CEP152: variants seen among roughly 807,000 people sequenced by gnomAD.
The protein encoded by CEP152 is centrosomal protein 152, also known as centrosomal protein of 152 kDa.
A neutral mutation model predicts 188.9 loss-of-function variants in CEP152; 132 were observed. The ratio of observed to expected loss-of-function variants is 0.70; its 90% CI spans 0.61 to 0.81. The LOEUF (loss-of-function observed/expected upper bound fraction) is 0.81. CEP152 is among the 30% of genes least tolerant of loss of function. CEP152 has a pLI of 0.00. For missense variants in CEP152, 1,914 were observed against 1,969.8 expected, an observed-to-expected ratio of 0.97 and a Z score of 0.54; for synonymous variants, 649 against 666.6, an observed-to-expected ratio of 0.97 and a Z score of 0.41.
At chr15:48,789,448 C>A in intron 8 of CEP152, 1 of 217,446 alleles carries the variant, frequency 4.6e-6, no homozygotes, top group East Asian at 1.0e-4. Flanking sequence ...ACAAAGTTTT[C>A]AAAGCTGTAA....
chr15:48,766,674 A>C (rs924543893), intron 17 of CEP152, among the ~76,000 whole-genome samples: 1 of 152,164 alleles, frequency 6.6e-6, no homozygotes, highest in Non-Finnish European at 1.5e-5. Flanking sequence ...ATCCGAGAAA[A>C]AGGGCTCTGA....
At chr15:48,751,177 T>A (rs1267052805) in intron 21 of CEP152, among the ~76,000 whole-genome samples, 2 of 152,214 alleles carry the variant, frequency 1.3e-5, no homozygotes. Flanking sequence ...TATTAATGTG[T>A]TTGTTTTTAA....
chr15:48,745,901 A>G (rs920398546), intron 22 of CEP152, among the ~76,000 whole-genome samples: 1 of 152,124 alleles, frequency 6.6e-6, no homozygotes, highest in African/African-American at 2.4e-5. Context: ...CAAATGCACA[A>G]CACCTACACA....
chr15:48,766,374 G>T (rs1340636485), intron 17 of CEP152, among the ~76,000 whole-genome samples: 1 of 152,208 alleles, frequency 6.6e-6, no homozygotes, highest in Non-Finnish European at 1.5e-5. Flanking sequence ...GTGAAGGACA[G>T]TCAGGCCTGT....
chr15:48,762,447 T>C lies in CEP152; in HGVS notation c.2506A>G (p.Met836Val). The C allele has an allele frequency of 1.2e-6, 2 of 1,614,136 alleles. No individual in the cohort carries two copies. The highest frequency in any genetic ancestry group is 4.5e-5 in the East Asian group (2 of 44,858). The change falls in exon 18 of 27, where the codon ATG becomes GTG. Residue 836 changes from methionine (M) to valine (V), a missense_variant. By Grantham distance (21) the Met-to-Val change is conservative (BLOSUM62 1). Transcript: ENST00000380950. Reference protein sequence around the residue: ...QEKDIAIKGAMKKLEIELELK... With the variant: ...QEKDIAIKGAVKKLEIELELK... ...TCCAATTCAATTTCGAGTTTCTTCA[T>C]AGCCCCCTTGATGGCTATGTCCTTC...
chr15:48,772,626 G>A lies in CEP152; in HGVS notation c.1643C>T (p.Ala548Val). 1 of 1,613,992 alleles carries A rather than the reference G, an allele frequency of 6.2e-7. No homozygotes were observed. Among genetic ancestry groups the A allele is most frequent in the Non-Finnish European group, 8.5e-7 (1 of 1,180,000 alleles). ...GCTACCCAGCAAACGCTGTACTTCT[G>A]CCTTTAACTTCAGAATGAACTCATC... Reference protein sequence around the residue: ...SKDEFILKLKAEVQRLLGSNS... With the variant: ...SKDEFILKLKVEVQRLLGSNS... Residue 548 changes from alanine to valine, a missense_variant, in exon 13 of 27, where the codon GCA becomes GTA. By Grantham distance (64) the Ala-to-Val change is moderately conservative. Coordinates refer to ENST00000380950, the MANE Select transcript of CEP152 (RefSeq NM_001194998.2).
downstream of CEP152, among the ~76,000 whole-genome samples, chr15:48,733,704 A>T (rs1892500648): frequency 6.6e-6 from 1 of 152,206 alleles, no homozygotes; most frequent in African/African-American, 2.4e-5. Context: ...ACAAATTCAG[A>T]CCTAGACACA....
chr15:48,798,218 TGGGGAAAA>T (rs2140909862), intron 2 of CEP152, among the ~76,000 whole-genome samples, 167 bp from the exon 3 acceptor site: 1 of 152,092 alleles, frequency 6.6e-6, no homozygotes, highest in South Asian at 2.1e-4. Flanking sequence ...TCATTTCACT[TGGGGAAAA>T]GGGAATGCAT....
At chr15:48,762,696 C>T (rs745973762) in intron 17 of CEP152, 24 bp from the exon 18 acceptor site, 82 of 1,609,588 alleles carry the variant, frequency 5.1e-5, no homozygotes, top group Non-Finnish European at 4.8e-5. Flanking sequence ...AAAAATCATA[C>T]GAGAAGAACA....
At chr15:48,772,411 A>C in intron 13 of CEP152, 76 bp downstream of exon 13, 2 of 400,988 alleles carry the variant, frequency 5.0e-6, no homozygotes, top group Non-Finnish European at 7.5e-6. Flanking sequence ...GCCCTGTCTC[A>C]AAAAAAAAAA....
chr15:48,780,722 CAAT>C (rs1896188603), intron 12 of CEP152, among the ~76,000 whole-genome samples: 1 of 152,156 alleles, frequency 6.6e-6, no homozygotes, highest in African/African-American at 2.4e-5. Context: ...TTGTTTCCAA[CAAT>C]GTTTCTTTCT....
At chr15:48,788,237 G>A (rs1278044733) in intron 9 of CEP152, among the ~76,000 whole-genome samples, 1 of 151,348 alleles carries the variant, frequency 6.6e-6, no homozygotes, top group Non-Finnish European at 1.5e-5. Flanking sequence ...TAATGTGAAA[G>A]TTGAGAAAGT....
chr15:48,802,179 C>A (rs1029486005), intron 2 of CEP152, among the ~76,000 whole-genome samples: 1 of 151,658 alleles, frequency 6.6e-6, no homozygotes, highest in African/African-American at 2.4e-5. Context: ...TTTGCAAAGT[C>A]ATATTGTTAC....
chr15:48,756,744 T>A (rs1200823127), intron 19 of CEP152, among the ~76,000 whole-genome samples, 191 bp from the exon 20 acceptor site: 1 of 152,180 alleles, frequency 6.6e-6, no homozygotes, highest in Admixed American at 6.5e-5. Context: ...AATATATACA[T>A]AAATATGTTT....
chr15:48,729,891 G>A (rs190671386), intron 2 of CEP152: 2 of 151,402 alleles, frequency 1.3e-5, no homozygotes, highest in African/African-American at 4.8e-5. Flanking sequence ...GGAAAATAAA[G>A]AAAAAATTAA....
In CEP152 at chr15:48,806,992, T is replaced by C. The variant is rs140253276; in HGVS notation, c.-7-1336A>G. On this transcript the variant is annotated intron_variant, in intron 1 of 26. Coordinates refer to ENST00000380950, the MANE Select transcript of CEP152 (RefSeq NM_001194998.2). ...AAAATCCCCCTATGACAAGTTTTTGTTTTTCAAAGACTGAGTTATGTTTCT... is the reference window on the plus strand; with the variant it reads ...AAAATCCCCCTATGACAAGTTTTTGCTTTTCAAAGACTGAGTTATGTTTCT... 1.9e-3 allele frequency among the ~76,000 whole-genome samples: 282 copies of C among 152,282 alleles called. 4 individuals carry two copies. Among genetic ancestry groups the C allele is most frequent in the African/African-American group, 6.4e-3 (266 of 41,570 alleles).
At chr15:48,771,423 C>T (rs910670335) in intron 13 of CEP152, among the ~76,000 whole-genome samples, 1 of 152,096 alleles carries the variant, frequency 6.6e-6, no homozygotes, top group South Asian at 2.1e-4. Context: ...TAATTAATGT[C>T]CTCATATAGA....
In CEP152 at chr15:48,738,163, C is replaced by A. The variant is rs1892697709; in HGVS notation, c.*86G>T. The stretch of plus-strand genomic sequence containing the variant: ...TGTTATTAAAACATCTCAAAAGAGG[C>A]AGGGCTCACAATTTTTTTCAGTATG... On this transcript the variant is annotated 3_prime_UTR_variant, in exon 27 of 27. Coordinates refer to ENST00000380950, the MANE Select transcript of CEP152 (RefSeq NM_001194998.2). 7 of 1,346,018 alleles carry A rather than the reference C, an allele frequency of 5.2e-6. No homozygotes were observed. The highest frequency in any genetic ancestry group is 1.4e-5 in the South Asian group (1 of 69,226). 83.4% of individuals were successfully genotyped at this position (1,346,018 alleles called of 1,614,324 possible). A position where few individuals can be genotyped will look rare whatever the true frequency, so the allele number is the denominator to read the frequency against.
chr15:48,783,975 G>T lies in CEP152; in HGVS notation c.1319C>A (p.Ser440Tyr). 6.2e-7 allele frequency: 1 copy of T among 1,613,574 alleles called. No individual in the cohort carries two copies. Among genetic ancestry groups the T allele is most frequent in the African/African-American group, 1.3e-5 (1 of 74,888 alleles). ...SQKQCAHLLQ[S>Y]GSVQEVAQLQ... The stretch of plus-strand genomic sequence containing the variant: ...CAGTGGACCTACCAGACACCTACCG[G>T]ACTGCAACAAGTGGGCACACTGCTT... Residue 440 changes from serine to tyrosine, a missense_variant and splice_region_variant, in exon 10 of 27, where the codon TCC becomes TAC. By Grantham distance (144) the Ser-to-Tyr change is moderately radical (BLOSUM62 -2). Transcript: ENST00000380950.
Sources: gnomAD v4.1 joint callset for allele counts (sites outside exome capture counted in the v4.1 genomes callset) on GRCh38, gnomAD v4.1.1 for gene constraint, MANE v1.5 for transcripts, NCBI Gene and HGNC (gene_info 2026-07-23, HGNC 2026-07-21) for gene names.